Variants in RET observed in about 807,000 individuals in gnomAD.
RET encodes the protein ret proto-oncogene, also known as proto-oncogene tyrosine-protein kinase receptor Ret.
Under a neutral mutation model 118.3 loss-of-function variants are expected in RET, and 19 were observed. That is an observed-to-expected ratio of 0.16 (90% CI 0.11 to 0.24). The LOEUF (loss-of-function observed/expected upper bound fraction) is 0.24. Ranked by LOEUF, RET falls within the 10% of genes least tolerant of loss-of-function variation. RET has a pLI of 1.00. For synonymous variants in RET, 597 were observed against 644.1 expected, an observed-to-expected ratio of 0.93 and a Z score of 1.11; for missense variants, 1,219 against 1,502.1, an observed-to-expected ratio of 0.81 and a Z score of 3.12.
chr10:43,113,455 A>C, intron 9 of RET, 101 bp from the exon 10 acceptor site: 1 of 1,373,864 alleles, frequency 7.3e-7, no homozygotes, highest in Middle Eastern at 2.6e-4. Context: ...TGCTTGCGAC[A>C]CCAGTTGGGG....
At chr10:43,108,949 G>A in intron 5 of RET, 82 bp from the exon 6 acceptor site, 1 of 1,353,132 alleles carries the variant, frequency 7.4e-7, no homozygotes, top group Non-Finnish European at 1.0e-6. Context: ...GTGAGTGCAG[G>A]GCTGTGTCTG....
chr10:43,107,113 G>A (rs767069874), intron 5 of RET, among the ~76,000 whole-genome samples: 98 of 152,118 alleles, frequency 6.4e-4, no homozygotes, highest in Admixed American at 1.4e-3. Context: ...GCCTCCCTCC[G>A]CCACCTCCTG....
rs149149645 is a variant in RET, at chr10:43,127,382, C to T, written c.3187+660C>T. The T allele has an allele frequency of 7.6e-5, 81 of 1,062,966 alleles. No individual in the cohort carries two copies. In the Middle Eastern group the frequency reaches 2.1e-3, roughly 28 times the overall value. 65.8% of individuals were successfully genotyped at this position (1,062,966 alleles called of 1,614,324 possible). ...ACGGTTGTCACTTATGAAGTCAGTG[C>T]TAAAGCTGGAGCAGTTGCTTTTTGA... On this transcript the variant is annotated intron_variant, in intron 19 of 19. Transcript: ENST00000355710.
intron 1 of RET, among the ~76,000 whole-genome samples, chr10:43,090,754 C>T (rs1344218474): frequency 4.0e-5 from 6 of 151,326 alleles, no homozygotes. Context: ...GCGCATGCAG[C>T]AGTGGTGCCG....
chr10:43,107,940 G>A (rs1265841151), intron 5 of RET, among the ~76,000 whole-genome samples: 1 of 152,132 alleles, frequency 6.6e-6, no homozygotes. Flanking sequence ...CTTCAGGTCA[G>A]TACAAAGGAA....
Position 43,126,988 on chromosome 10 carries a change from C to T in RET, c.3187+266C>T, listed in dbSNP as rs73254039. The T allele has an allele frequency of 6.0e-4, 836 of 1,382,938 alleles. 8 individuals are homozygous for T. In the African/African-American group the frequency reaches 0.01, roughly 17 times the overall value. 85.7% of individuals were successfully genotyped at this position (1,382,938 alleles called of 1,614,324 possible). A position where few individuals can be genotyped will look rare whatever the true frequency, so the allele number is the denominator to read the frequency against. On this transcript the variant is annotated intron_variant, in intron 19 of 19. Coordinates refer to ENST00000355710, the MANE Select transcript of RET (RefSeq NM_020975.6). ...TGGTAGAGGAAAAAACAGATCAGGG[C>T]GGAACTCTCAGGGGAGACCAAGAAC... is the stretch of plus-strand genomic sequence containing the variant.
intron 18 of RET, 135 bp from the exon 19 acceptor site, chr10:43,126,440 T>G: frequency 1.2e-6 from 1 of 853,740 alleles, no homozygotes; most frequent in Admixed American, 1.7e-5. Flanking sequence ...GGCCCTGGTC[T>G]CTTGGAGAGG....
At chr10:43,100,821 C>T (rs1255572265) in intron 2 of RET, 99 bp downstream of exon 2, 7 of 1,315,342 alleles carry the variant, frequency 5.3e-6, no homozygotes, top group African/African-American at 1.5e-5. Flanking sequence ...GCATGGCTTC[C>T]CCCCCACCGC....
chr10:43,114,560 G>A lies in RET; in HGVS notation c.1960G>A (p.Ala654Thr), dbSNP rs2132847469. Reference sequence around the variant, plus strand: ...CTTCATCGTCTCGGTGCTGCTGTCTGCCTTCTGCATCCACTGCTACCACAA... The same window carrying A: ...CTTCATCGTCTCGGTGCTGCTGTCTACCTTCTGCATCCACTGCTACCACAA... ...FSFIVSVLLS[A>T]FCIHCYHKFA... The change falls in exon 11 of 20, where the codon GCC becomes ACC. Residue 654 changes from alanine (A) to threonine (T), a missense_variant. Around this residue, in one of 5 missense-constraint regions of RET, gnomAD observed 850 missense variants for 969.6 expected, o/e 0.88. Coordinates refer to ENST00000355710, the MANE Select transcript of RET (RefSeq NM_020975.6). This position sits in a 1 kb window ranked among gnomAD's most constrained non-coding sequence, Gnocchi z 4.6. 6.2e-7 allele frequency: 1 copy of A among 1,611,642 alleles called. No individual in the cohort carries two copies.
intron 13 of RET, 128 bp from the exon 14 acceptor site, chr10:43,119,403 A>G: frequency 1.4e-6 from 1 of 700,028 alleles, no homozygotes; most frequent in Non-Finnish European, 2.4e-6. Flanking sequence ...TGCCTGAGGC[A>G]GGGCTGTGTC....
chr10:43,086,884 G>T (rs1158544746), intron 1 of RET, among the ~76,000 whole-genome samples: 1 of 152,214 alleles, frequency 6.6e-6, no homozygotes. Context: ...AGAAGGCTGG[G>T]TCTGTGTGCA....
chr10:43,126,927 A>G (rs1460629355), intron 19 of RET: 3 of 1,435,226 alleles, frequency 2.1e-6, no homozygotes, highest in Non-Finnish European at 2.7e-6. Context: ...GGATGTGAAA[A>G]TAAGTGTAAT....
At position 43,114,148 on chromosome 10, in the gene RET, G is replaced by A. The variant is rs1329371970; in HGVS notation, c.1880-332G>A. On this transcript the variant is annotated intron_variant, in intron 10 of 19. Coordinates refer to ENST00000355710, the MANE Select transcript of RET (RefSeq NM_020975.6). The surrounding 1 kb of genome is among the most constrained non-coding windows in gnomAD (Gnocchi z 4.6). ...ATAAAGAAAATGCCAAAGACATTTGGAACAGAGGAAAATTTTGACCTCCCC... is the reference window on the plus strand; with the variant it reads ...ATAAAGAAAATGCCAAAGACATTTGAAACAGAGGAAAATTTTGACCTCCCC... 1.3e-5 allele frequency among the ~76,000 whole-genome samples: 2 copies of A among 152,178 alleles called. No individual in the cohort carries two copies. Among genetic ancestry groups the A allele is most frequent in the South Asian group, 2.1e-4 (1 of 4,828 alleles).
At position 43,094,355 on chromosome 10, in the gene RET, G is replaced by C. The variant is rs113206282; in HGVS notation, c.74-6104G>C. On this transcript the variant is annotated intron_variant, in intron 1 of 19. Transcript: ENST00000355710. The stretch of plus-strand genomic sequence containing the variant: ...TCTGCCACCCATCAAGGGCAGGCGT[G>C]GGGCTGGTGTCGCATGAGGGGTTCT... 5.5e-4 allele frequency among the ~76,000 whole-genome samples: 84 copies of C among 152,314 alleles called. 2 individuals are homozygous for C. The highest frequency in any genetic ancestry group is 3.4e-3 in the Middle Eastern group (1 of 294).
chr10:43,079,575 C>T, intron 1 of RET, among the ~76,000 whole-genome samples: 1 of 152,240 alleles, frequency 6.6e-6, no homozygotes. Flanking sequence ...CCCAGGCTGA[C>T]CCTGCACCTC....
intron 1 of RET, among the ~76,000 whole-genome samples, chr10:43,082,035 A>T (rs1398457250): frequency 6.6e-6 from 1 of 152,146 alleles, no homozygotes; most frequent in African/African-American, 2.4e-5. Context: ...CTGAACCTCC[A>T]TGGAGCTCTG....
chr10:43,082,173 G>A (rs1433973997), intron 1 of RET, among the ~76,000 whole-genome samples: 1 of 152,186 alleles, frequency 6.6e-6, no homozygotes, highest in Non-Finnish European at 1.5e-5. Flanking sequence ...GCAGGGCTGG[G>A]CAAGAGCAGG....
rs747894751 is a variant in RET at position 43,119,589 on chromosome 10, C to A, written c.2451C>A (p.Arg817=). The change falls in exon 14 of 20, where the codon CGC becomes CGA. Residue 817 remains arginine (R), a synonymous_variant. Transcript: ENST00000355710. ...AKYGSLRGFL[R]ESRKVGPGYL... Reference sequence around the variant, plus strand: ...ACGGCTCCCTGCGGGGCTTCCTCCGCGAGAGCCGCAAAGTGGGGCCTGGCT... The same window carrying A: ...ACGGCTCCCTGCGGGGCTTCCTCCGAGAGAGCCGCAAAGTGGGGCCTGGCT... 1 of 1,611,670 alleles carries A rather than the reference C, an allele frequency of 6.2e-7. No homozygotes were observed. The highest frequency in any genetic ancestry group is 1.3e-5 in the African/African-American group (1 of 74,920).
At chr10:43,081,456 G>A (rs1357218792) in intron 1 of RET, among the ~76,000 whole-genome samples, 2 of 152,196 alleles carry the variant, frequency 1.3e-5, no homozygotes, top group Non-Finnish European at 2.9e-5. Context: ...AGGAGACCCT[G>A]TGTAGGGACT....
Sources: gnomAD v4.1 joint callset for allele counts (sites outside exome capture counted in the v4.1 genomes callset) on GRCh38, gnomAD v4.1.1 for gene constraint, gnomAD v4.1.1 regional missense constraint, Gnocchi (gnomAD v3.1) non-coding constraint, MANE v1.5 for transcripts, NCBI Gene and HGNC (gene_info 2026-07-23, HGNC 2026-07-21) for gene names.